The following RUNX1T1 variants were observed in gnomAD, a reference collection of about 807,000 sequenced individuals.
The protein encoded by RUNX1T1 is protein CBFA2T1.
In RUNX1T1, 4 loss-of-function variants were observed where a neutral mutation model predicts 62.8. The observed-to-expected ratio is 0.06, with a 90% CI of 0.03 to 0.15. The LOEUF (loss-of-function observed/expected upper bound fraction) is 0.15, where lower values mean the gene tolerates loss of function less well. RUNX1T1 is among the 10% of genes least tolerant of loss of function. The pLI is 1.00. For missense variants in RUNX1T1, 508 were observed against 754.3 expected, an observed-to-expected ratio of 0.67 and a Z score of 3.82; for synonymous variants, 291 against 286.0, an observed-to-expected ratio of 1.02 and a Z score of -0.18.
At chr8:91,958,995 A>T (rs1406342909) in exon 11 of RUNX1T1, 1 of 206,408 alleles carries the variant, frequency 4.8e-6, no homozygotes, top group African/African-American at 2.3e-5. Flanking sequence ...TCACTAATAC[A>T]TACAGATATA....
Position 92,008,784 on chromosome 8 carries a change from T to C in RUNX1T1, c.477+2218A>G, listed in dbSNP as rs17673946. Among the ~76,000 whole-genome samples, 628 of 152,288 alleles carry C rather than the reference T, an allele frequency of 4.1e-3. 5 individuals carry two copies. The highest frequency in any genetic ancestry group is 0.015 in the South Asian group (72 of 4,814). The stretch of plus-strand genomic sequence containing the variant: ...TATAAAATGCACATTTATTTGGCTA[T>C]GTGTTATAGATAGATAGCAATTTCT... On this transcript the variant is annotated intron_variant, in intron 4 of 10. Coordinates refer to ENST00000396218, the Ensembl canonical transcript of RUNX1T1.
At chr8:92,056,125 C>G (rs1830995814) in intron 1 of RUNX1T1, among the ~76,000 whole-genome samples, 2 of 152,158 alleles carry the variant, frequency 1.3e-5, no homozygotes, top group African/African-American at 4.8e-5. Context: ...ATCATTAAAG[C>G]AAACAAGTCC....
intron 8 of RUNX1T1, among the ~76,000 whole-genome samples, chr8:91,984,696 G>C (rs978839044): frequency 2.6e-5 from 4 of 151,962 alleles, no homozygotes; most frequent in African/African-American, 9.7e-5. Context: ...TATCCCCTCT[G>C]TCCTAAGCAA....
downstream of RUNX1T1, chr8:91,957,169 T>C (rs1239842890): frequency 4.7e-6 from 1 of 213,866 alleles, no homozygotes; most frequent in African/African-American, 2.3e-5. Context: ...ACAAATTATA[T>C]TCTCACATAG....
chr8:91,973,120 TAA>T (rs1237138761), intron 9 of RUNX1T1, among the ~76,000 whole-genome samples: 10 of 152,012 alleles, frequency 6.6e-5, no homozygotes, highest in African/African-American at 2.4e-4. Flanking sequence ...CTATCAGTGA[TAA>T]AGTCTTGATT....
intron 8 of RUNX1T1, among the ~76,000 whole-genome samples, chr8:91,982,626 T>A (rs1176447389): frequency 6.6e-6 from 1 of 152,208 alleles, no homozygotes; most frequent in Admixed American, 6.5e-5. Context: ...CTTAAATGTA[T>A]AAATAAGTCA....
rs1445444636 is a variant in RUNX1T1 at position 91,988,561 on chromosome 8, A to G, written c.911-1589T>C. ...ATTAGTCACCATACAAAACAACCAGAAAGTGATAAGGATATAAATGTGACA... is the reference window on the plus strand; with the variant it reads ...ATTAGTCACCATACAAAACAACCAGGAAGTGATAAGGATATAAATGTGACA... On this transcript the variant is annotated intron_variant, in intron 6 of 10. Coordinates refer to ENST00000396218, the Ensembl canonical transcript of RUNX1T1. Among the ~76,000 whole-genome samples, 4 of 152,182 alleles carry G rather than the reference A, an allele frequency of 2.6e-5. No homozygotes were observed. The East Asian group carries it at 7.7e-4, about 29-fold the overall frequency.
chr8:92,032,920 T>C (rs1826527593), intron 1 of RUNX1T1, among the ~76,000 whole-genome samples: 1 of 152,210 alleles, frequency 6.6e-6, no homozygotes, highest in South Asian at 2.1e-4. Flanking sequence ...TTAACCTCTC[T>C]AGTATTTTTT....
At position 91,993,850 on chromosome 8, in the gene RUNX1T1, G is replaced by A. The variant is rs773515266; in HGVS notation, c.660-1961C>T. On this transcript the variant is annotated intron_variant, in intron 5 of 10. Transcript: ENST00000396218. ...CTACTAAATATACAAAAAGTAGCCG[G>A]GTGTAGTGGTGCATGCCTGTAGTCT... is the stretch of plus-strand genomic sequence containing the variant. Among the ~76,000 whole-genome samples the A allele has an allele frequency of 6.6e-5, 10 of 152,136 alleles. 1 individual carries two copies. The Middle Eastern group carries it at 0.017, about 259-fold the overall frequency.
chr8:91,996,319 A>G (rs1818664331), intron 5 of RUNX1T1, among the ~76,000 whole-genome samples: 1 of 152,072 alleles, frequency 6.6e-6, no homozygotes. Context: ...CTCCTGCCTC[A>G]GCCTCCTGAG....
At chr8:91,959,453 TGTGTGTGTGTGTGTATATGTGC>T (rs869254211) in exon 11 of RUNX1T1, 16 of 138,696 alleles carry the variant, frequency 1.2e-4, no homozygotes, top group East Asian at 6.6e-4. Context: ...TGTGTGTGTG[TGTGTGTGTGTGTGTATATGTGC>T]GTGTGTGTGT....
chr8:91,998,065 A>C (rs950147133), intron 5 of RUNX1T1, among the ~76,000 whole-genome samples: 3 of 152,204 alleles, frequency 2.0e-5, no homozygotes, highest in African/African-American at 4.8e-5. Flanking sequence ...CAGTTTGTTA[A>C]GATTGCCATA....
At chr8:92,014,869 T>C in intron 2 of RUNX1T1, 49 bp from the exon 4 acceptor site, 1 of 1,519,410 alleles carries the variant, frequency 6.6e-7, no homozygotes, top group Non-Finnish European at 8.8e-7. Context: ...ACAGAGAACA[T>C]GCATGAGGAA....
exon 11 of RUNX1T1, chr8:91,960,082 A>G (rs1447026682): frequency 2.8e-6 from 2 of 705,178 alleles, no homozygotes; most frequent in East Asian, 5.4e-5. Flanking sequence ...TTTTACTACC[A>G]CCTCAAGATA....
At chr8:92,088,791 A>G (rs1836532295) in intron 1 of RUNX1T1, among the ~76,000 whole-genome samples, 1 of 152,070 alleles carries the variant, frequency 6.6e-6, no homozygotes, top group African/African-American at 2.4e-5. Flanking sequence ...GTTTCCCTTC[A>G]TATTATCGGT....
chr8:92,054,961 C>A (rs368947358), intron 1 of RUNX1T1, among the ~76,000 whole-genome samples: 6 of 151,936 alleles, frequency 3.9e-5, no homozygotes, highest in African/African-American at 4.8e-5. Flanking sequence ...GCCAAGATTG[C>A]GCCACTGCAC....
intron 4 of RUNX1T1, chr8:92,005,864 T>C (rs1369811409): frequency 6.6e-6 from 1 of 152,232 alleles, no homozygotes; most frequent in Non-Finnish European, 1.5e-5. Flanking sequence ...CAGACAATAG[T>C]TAAGTAATGG....
intron 8 of RUNX1T1, among the ~76,000 whole-genome samples, chr8:91,979,258 C>T (rs1289126442): frequency 1.3e-5 from 2 of 152,088 alleles, no homozygotes; most frequent in East Asian, 3.9e-4. Flanking sequence ...ATAGGGAAAA[C>T]TGAGTTTGAA....
intron 1 of RUNX1T1, among the ~76,000 whole-genome samples, chr8:92,040,346 G>C (rs552888017): frequency 6.6e-6 from 1 of 152,038 alleles, no homozygotes; most frequent in Middle Eastern, 3.2e-3. Context: ...TGTGTGTCCC[G>C]TGTGTATACT....
Sources: allele counts gnomAD v4.1 joint callset (sites outside exome capture counted in the v4.1 genomes callset), GRCh38; gene constraint gnomAD v4.1.1; transcripts MANE v1.5; gene names NCBI Gene and HGNC (gene_info 2026-07-23, HGNC 2026-07-21).